Variants in ITGB4 observed in about 807,000 individuals in gnomAD.
ITGB4 encodes the protein integrin subunit beta 4.
In ITGB4, 159 loss-of-function variants were observed where a neutral mutation model predicts 207.6. That is an observed-to-expected ratio of 0.77 (90% CI 0.67 to 0.87). ITGB4 has a LOEUF of 0.87. Among genes scored for constraint, ITGB4 ranks in the 40% least tolerant of loss-of-function variants. ITGB4 has a pLI of 0.00. For synonymous variants in ITGB4, 1,020 were observed against 1,062.7 expected (o/e 0.96, Z 0.78); for missense variants, 2,278 against 2,546.8 (o/e 0.89, Z 2.27).
rs765807271 is a variant in ITGB4 at position 75,750,224 on chromosome 17, C to A, written c.3430C>A (p.His1144Asn). Residue 1144 changes from histidine (H) to asparagine (N), a missense_variant, in exon 28 of 40, where the codon CAT becomes AAT. His to Asn is a moderately conservative substitution (Grantham distance 68). Transcript: ENST00000200181. This position sits in a 1 kb window ranked among gnomAD's most constrained non-coding sequence, Gnocchi z 5.5. ...NAKAAGSRKI[H>N]FNWLPPSGKP... ...TAAGGCCGCTGGGTCCAGGAAGATC[C>A]ATTTCAACTGGCTGCCCCCTTCTGG... The A allele has an allele frequency of 1.3e-5, 21 of 1,613,664 alleles. No homozygotes were observed. Among genetic ancestry groups the A allele is most frequent in the Non-Finnish European group, 1.8e-5 (21 of 1,179,994 alleles).
chr17:75,740,746 C>CACGGG lies in ITGB4; in HGVS notation c.2551-46_2551-42dup, dbSNP rs1484065934. On this transcript the variant is annotated intron_variant, in intron 21 of 39. Transcript: ENST00000200181. This position sits in a 1 kb window ranked among gnomAD's most constrained non-coding sequence, Gnocchi z 5.9. ...CTGGGTCCCCAGCCTGAGGGCTTGC[C>CACGGG]ACGGGGTGGCCTAGGCCCAGCCTCA... 6.2e-7 allele frequency: 1 copy of CACGGG among 1,604,634 alleles called. No individual in the cohort carries two copies. The highest frequency in any genetic ancestry group is 1.1e-5 in the South Asian group (1 of 90,832).
In ITGB4 at chr17:75,757,312, T is replaced by C. The variant is rs762236241; in HGVS notation, c.5329+2T>C. 1.9e-5 allele frequency: 31 copies of C among 1,610,652 alleles called. No individual in the cohort carries two copies. In the East Asian group the frequency reaches 5.8e-4, roughly 30 times the overall value. ...GCGCCACCGAGCCCTTCCTAGTGGG[T>C]GAGCACTGAGGGCTAGGGGATCCCG... is the stretch of plus-strand genomic sequence containing the variant. On this transcript the variant is annotated splice_donor_variant, in intron 39 of 39. Transcript: ENST00000200181. LOFTEE classifies it high-confidence loss of function.
Position 75,739,611 on chromosome 17 carries a change from AG to A in ITGB4, c.2221-58del. 6.2e-7 allele frequency: 1 copy of A among 1,603,248 alleles called. No homozygotes were observed. On this transcript the variant is annotated intron_variant, in intron 18 of 39. Coordinates refer to ENST00000200181, the MANE Select transcript of ITGB4 (RefSeq NM_000213.5). This position sits in a 1 kb window ranked among gnomAD's most constrained non-coding sequence, Gnocchi z 5.4. Reference sequence around the variant, plus strand: ...ATTGGCATGGGGCGGGGTGGCTGGAAGGGCTTACCTGGGCCAGGGCAGCTGT... The same window carrying A: ...ATTGGCATGGGGCGGGGTGGCTGGAAGGCTTACCTGGGCCAGGGCAGCTGT...
chr17:75,757,323 G>A lies in ITGB4; in HGVS notation c.5329+13G>A, dbSNP rs779579403. The A allele has an allele frequency of 6.2e-7, 1 of 1,612,596 alleles. No homozygotes were observed. Among genetic ancestry groups the A allele is most frequent in the Non-Finnish European group, 8.5e-7 (1 of 1,179,942 alleles). ...CCCTTCCTAGTGGGTGAGCACTGAGGGCTAGGGGATCCCGGCTCTCCTGGG... is the reference window on the plus strand; with the variant it reads ...CCCTTCCTAGTGGGTGAGCACTGAGAGCTAGGGGATCCCGGCTCTCCTGGG... On this transcript the variant is annotated intron_variant, in intron 39 of 39. Transcript: ENST00000200181.
At position 75,753,811 on chromosome 17, in the gene ITGB4, G is replaced by C; in HGVS notation, c.4155G>C (p.Leu1385=). 1 of 1,467,168 alleles carries C rather than the reference G, an allele frequency of 6.8e-7. No homozygotes were observed. Among genetic ancestry groups the C allele is most frequent in the Non-Finnish European group, 9.0e-7 (1 of 1,110,340 alleles). The allele number at this position is 1,467,168 out of a possible 1,614,324, so 90.9% of individuals were successfully genotyped here. Residue 1385 remains leucine (L), a synonymous_variant, in exon 33 of 40, where the codon CTG becomes CTC. Coordinates refer to ENST00000200181, the MANE Select transcript of ITGB4 (RefSeq NM_000213.5). ...FEPLLGEELD[L]RRVTWRLPPE... ...CCCTGCTGGGGGAGGAGCTGGACCT[G>C]CGGCGCGTCACGTGGCGGCTGCCCC...
chr17:75,739,235 C>T lies in ITGB4; in HGVS notation c.2221-437C>T, dbSNP rs552004678. Reference sequence around the variant, plus strand: ...GCTTGAACCTGGGAGGTAGAGGTTGCAGTGAGCCGCGATCGTGCCACTGCA... The same window carrying T: ...GCTTGAACCTGGGAGGTAGAGGTTGTAGTGAGCCGCGATCGTGCCACTGCA... On this transcript the variant is annotated intron_variant, in intron 18 of 39. Coordinates refer to ENST00000200181, the MANE Select transcript of ITGB4 (RefSeq NM_000213.5). This position sits in a 1 kb window ranked among gnomAD's most constrained non-coding sequence, Gnocchi z 5.4. 3.3e-5 allele frequency among the ~76,000 whole-genome samples: 5 copies of T among 150,292 alleles called. No homozygotes were observed. Among genetic ancestry groups the T allele is most frequent in the Non-Finnish European group, 4.4e-5 (3 of 67,620 alleles).
chr17:75,752,394 AG>A (rs760811670), intron 31 of ITGB4, 38 bp downstream of exon 31: 22 of 1,470,002 alleles, frequency 1.5e-5, no homozygotes, highest in South Asian at 6.7e-5. Flanking sequence ...CAGACCGGGC[AG>A]GGGGGCAGGG....
chr17:75,736,771 C>T, intron 16 of ITGB4, 77 bp downstream of exon 16: 4 of 1,491,982 alleles, frequency 2.7e-6, no homozygotes, highest in Non-Finnish European at 1.8e-6. Context: ...GTGTCATCAC[C>T]TGGACGGGGG....
At chr17:75,744,951 G>T (rs374387420) in intron 26 of ITGB4, among the ~76,000 whole-genome samples, 192 of 151,828 alleles carry the variant, frequency 1.3e-3, no homozygotes, top group South Asian at 6.0e-3. Context: ...TTTTAGAAGA[G>T]ATGGGGTTTT....
rs564989714 is a variant in ITGB4 at position 75,748,961 on chromosome 17, C to G, written c.3232C>G (p.Arg1078Gly). 8 of 1,613,350 alleles carry G rather than the reference C, an allele frequency of 5.0e-6. No individual in the cohort carries two copies. The highest frequency in any genetic ancestry group is 1.6e-4 in the Middle Eastern group (1 of 6,080). The change falls in exon 27 of 40, where the codon CGT becomes GGT. Residue 1078 changes from arginine (R) to glycine (G), a missense_variant. Transcript: ENST00000200181. Reference sequence around the variant, plus strand: ...CCTCCTGCGGGGCCGCCAGGTCCGCCGTTTCCACGTCCAGCTCAGCAACCC... The same window carrying G: ...CCTCCTGCGGGGCCGCCAGGTCCGCGGTTTCCACGTCCAGCTCAGCAACCC... Reference protein sequence around the residue: ...DSLLRGRQVRRFHVQLSNPKF... With the variant: ...DSLLRGRQVRGFHVQLSNPKF...
chr17:75,737,584 C>A lies in ITGB4; in HGVS notation c.2160C>A (p.Leu720=). The part of the protein sequence containing the change: ...SFWWLIPLLL[L]LLPLLALLLL... ...GGTGGCTCATCCCCCTGCTCCTCCT[C>A]CTCCTGCCGCTCCTGGCCCTGCTAC... The change falls in exon 18 of 40, where the codon CTC becomes CTA. Residue 720 remains leucine, a synonymous_variant. Coordinates refer to ENST00000200181, the MANE Select transcript of ITGB4 (RefSeq NM_000213.5). The A allele has an allele frequency of 1.2e-6, 2 of 1,608,788 alleles. No homozygotes were observed. The highest frequency in any genetic ancestry group is 1.7e-6 in the Non-Finnish European group (2 of 1,177,630).
Position 75,756,532 on chromosome 17 carries a change from CCAGG to C in ITGB4, c.4813_4816del (p.Gln1605LysfsTer33). The C allele has an allele frequency of 1.2e-6, 2 of 1,613,334 alleles. No individual in the cohort carries two copies. The highest frequency in any genetic ancestry group is 1.7e-6 in the Non-Finnish European group (2 of 1,180,018). ...ACGTGTTCCGCGTGCGGGCCCAGAG[CCAGG>C]AAGGCTGGGGCCGAGAGCGTGAGGG... On this transcript the variant is annotated frameshift_variant, in exon 36 of 40. Transcript: ENST00000200181. LOFTEE classifies it high-confidence loss of function.
Position 75,750,845 on chromosome 17 carries a change from C to T in ITGB4, c.3640C>T (p.Arg1214Cys), listed in dbSNP as rs571861704. The T allele has an allele frequency of 4.6e-5, 75 of 1,613,364 alleles. No individual in the cohort carries two copies. The highest frequency in any genetic ancestry group is 3.3e-4 in the African/African-American group (25 of 75,040). Residue 1214 changes from arginine to cysteine, a missense_variant, in exon 29 of 40, where the codon CGC (arginine) becomes TGC (cysteine). Coordinates refer to ENST00000200181, the MANE Select transcript of ITGB4 (RefSeq NM_000213.5). The surrounding 1 kb of genome is among the most constrained non-coding windows in gnomAD (Gnocchi z 5.5). ...EGPYSSLVSC[R>C]THQEVPSEPG... ...ACCCTACAGCTCCCTGGTGTCCTGC[C>T]GCACCCACCAGGAAGGTGAGGCCTC...
At chr17:75,746,387 C>G (rs899831346) in intron 26 of ITGB4, 1 of 152,272 alleles carries the variant, frequency 6.6e-6, no homozygotes, top group South Asian at 2.1e-4. Context: ...TGCGCACCAC[C>G]ACACCCAGCT....
chr17:75,751,943 C>A (rs1016622163), intron 30 of ITGB4: 2 of 604,854 alleles, frequency 3.3e-6, no homozygotes, highest in South Asian at 1.8e-5. Context: ...CCAGCCCTGG[C>A]TCTGCCACTT....
In ITGB4 at chr17:75,731,271, G is replaced by C. The variant is rs775809934; in HGVS notation, c.1118G>C (p.Arg373Pro). The C allele has an allele frequency of 8.1e-6, 13 of 1,613,388 alleles. No homozygotes were observed. The highest frequency in any genetic ancestry group is 1.1e-5 in the Non-Finnish European group (13 of 1,180,034). Reference sequence around the variant, plus strand: ...CGGATCCGCTCCAACCTGGACATCCGGGCCCTAGACAGCCCCCGAGGCCTT... The same window carrying C: ...CGGATCCGCTCCAACCTGGACATCCCGGCCCTAGACAGCCCCCGAGGCCTT... ...FNRIRSNLDIRALDSPRGLRT... is the reference protein window; with the variant it reads ...FNRIRSNLDIPALDSPRGLRT... Residue 373 changes from arginine (R) to proline (P), a missense_variant, in exon 10 of 40, where the codon CGG (arginine) becomes CCG (proline). Physicochemically the swap from Arg to Pro is moderately radical, Grantham distance 103. Coordinates refer to ENST00000200181, the MANE Select transcript of ITGB4 (RefSeq NM_000213.5). The surrounding 1 kb of genome is among the most constrained non-coding windows in gnomAD (Gnocchi z 6.8).
intron 13 of ITGB4, among the ~76,000 whole-genome samples, chr17:75,735,411 T>TC: frequency 7.2e-6 from 1 of 138,470 alleles, no homozygotes; most frequent in East Asian, 2.1e-4. Context: ...TTTTTTCTTT[T>TC]CTTTTTTTTT....
At position 75,736,333 on chromosome 17, in the gene ITGB4, T is replaced by G. The variant is rs539294455; in HGVS notation, c.1807T>G (p.Cys603Gly). 1 of 1,613,236 alleles carries G rather than the reference T, an allele frequency of 6.2e-7. No individual in the cohort carries two copies. The highest frequency in any genetic ancestry group is 1.3e-5 in the African/African-American group (1 of 74,746). The change falls in exon 15 of 40, where the codon TGC becomes GGC. Residue 603 changes from cysteine to glycine, a missense_variant. Physicochemically the swap from Cys to Gly is radical, Grantham distance 159. Transcript: ENST00000200181. ...CCACTGTGAGTGTGGCCGCTGCCACTGCCACCAGCAGTCGCTCTACACGGA... is the reference window on the plus strand; with the variant it reads ...CCACTGTGAGTGTGGCCGCTGCCACGGCCACCAGCAGTCGCTCTACACGGA... ...RGHCECGRCH[C>G]HQQSLYTDTI... is the part of the protein sequence containing the mutation.
At chr17:75,734,503 C>T (rs1226172508) in intron 13 of ITGB4, among the ~76,000 whole-genome samples, 2 of 152,060 alleles carry the variant, frequency 1.3e-5, no homozygotes, top group Non-Finnish European at 2.9e-5. Flanking sequence ...TCTGTATTCC[C>T]ATGGGTCCAG....
Sources: gnomAD v4.1 joint callset for allele counts (sites outside exome capture counted in the v4.1 genomes callset) on GRCh38, gnomAD v4.1.1 for gene constraint, Gnocchi (gnomAD v3.1) non-coding constraint, MANE v1.5 for transcripts, NCBI Gene and HGNC (gene_info 2026-07-23, HGNC 2026-07-21) for gene names.